The following ZNF571 variants were observed in gnomAD, a reference collection of about 807,000 sequenced individuals.
ZNF571 encodes zinc finger protein 571.
A neutral mutation model predicts 7.7 loss-of-function variants in ZNF571; 4 were observed. The observed-to-expected ratio is 0.52, with a 90% CI of 0.25 to 1.18. The LOEUF is 1.18. ZNF571 is among the 50% of genes most tolerant of loss of function. The pLI is 0.14. For missense variants in ZNF571, 704 were observed against 726.9 expected, an observed-to-expected ratio of 0.97 and a Z score of 0.36; for synonymous variants, 251 against 232.4, an observed-to-expected ratio of 1.08 and a Z score of -0.73.
At chr19:37,583,301 C>T in intron 3 of ZNF571, among the ~76,000 whole-genome samples, 1 of 152,244 alleles carries the variant, frequency 6.6e-6, no homozygotes, top group South Asian at 2.1e-4. Flanking sequence ...AAAGAGCAAC[C>T]AGGAAAAACG....
intron 1 of ZNF571, among the ~76,000 whole-genome samples, chr19:37,588,150 A>T (rs1221010239): frequency 6.6e-6 from 1 of 150,700 alleles, no homozygotes; most frequent in Non-Finnish European, 1.5e-5. Flanking sequence ...AAAATAATAT[A>T]TATAAAATGA....
chr19:37,584,937 C>A (rs939852643), intron 2 of ZNF571: 3 of 145,578 alleles, frequency 2.1e-5, no homozygotes, highest in Non-Finnish European at 3.0e-5. Context: ...GCACTCCCGC[C>A]TGGGCCACAG....
rs778438755 is a variant in ZNF571, at chr19:37,566,162, T to C, written c.266A>G (p.Asn89Ser). The C allele has an allele frequency of 1.9e-6, 3 of 1,614,044 alleles. No individual in the cohort carries two copies. In the South Asian group the frequency reaches 3.3e-5, roughly 18 times the overall value. Residue 89 changes from asparagine to serine, a missense_variant, in exon 4 of 4, where the codon AAT becomes AGT. Physicochemically the swap from Asn to Ser is conservative, Grantham distance 46. Coordinates refer to ENST00000451802, the MANE Select transcript of ZNF571 (RefSeq NM_016536.5). ...CTCTAAGTTGCCTTTGCACTCCATA[T>C]TGTCTCCAAGACCATTGTATTGAAG... ...HHLQYNGLGD[N>S]MECKGNLEGQ...
chr19:37,590,086 T>C (rs2043821382), intron 1 of ZNF571, among the ~76,000 whole-genome samples: 1 of 135,028 alleles, frequency 7.4e-6, no homozygotes, highest in Non-Finnish European at 1.6e-5. Context: ...TGATTTTGGA[T>C]TGGACGCCAG....
intron 3 of ZNF571, among the ~76,000 whole-genome samples, chr19:37,579,718 A>T (rs953449688): frequency 2.0e-5 from 3 of 152,226 alleles, no homozygotes; most frequent in Admixed American, 2.0e-4. Flanking sequence ...GCCACCAGCC[A>T]TATCTAATAC....
chr19:37,580,974 A>G (rs976913720), intron 3 of ZNF571, among the ~76,000 whole-genome samples: 3 of 152,228 alleles, frequency 2.0e-5, no homozygotes, highest in Non-Finnish European at 4.4e-5. Context: ...TTGAAAAGTG[A>G]CCAGCATCTA....
In ZNF571 at chr19:37,583,991, T is replaced by C. The variant is rs1600521363; in HGVS notation, c.116A>G (p.Tyr39Cys). The C allele has an allele frequency of 1.2e-6, 2 of 1,612,330 alleles. No individual in the cohort carries two copies. The highest frequency in any genetic ancestry group is 1.7e-6 in the Non-Finnish European group (2 of 1,179,034). Residue 39 changes from tyrosine (Y) to cysteine (C), a missense_variant, in exon 3 of 4, where the codon TAC becomes TGC. Tyr to Cys is a radical substitution (Grantham distance 194). Coordinates refer to ENST00000451802, the MANE Select transcript of ZNF571 (RefSeq NM_016536.5). ...DLYRDVMLEN[Y>C]SNLISLDLES... ...CTTACCCAATGAGATCAGGTTGCTG[T>C]AGTTCTCCAACATCACATCCCTGTA...
chr19:37,592,635 A>C (rs1291149830), intron 1 of ZNF571, among the ~76,000 whole-genome samples: 1 of 152,276 alleles, frequency 6.6e-6, no homozygotes, highest in African/African-American at 2.4e-5. Flanking sequence ...TGAAAGTGGG[A>C]CATCAGACTG....
intron 3 of ZNF571, among the ~76,000 whole-genome samples, chr19:37,574,786 A>C (rs1461208736): frequency 6.6e-6 from 1 of 152,162 alleles, no homozygotes; most frequent in Non-Finnish European, 1.5e-5. Flanking sequence ...CTCCTTCCTT[A>C]TCTCACTTTT....
In ZNF571 at chr19:37,564,598, T is replaced by C; in HGVS notation, c.1830A>G (p.Ter610TrpextTer7). ...QLTQHTRLHN* is the reference protein window; with the variant it reads ...QLTQHTRLHNW ...AAATTTAATCACATTCAAGGCTTTC[T>C]CAATTATGAAGCCTTGTATGTTGAG... The change falls in exon 4 of 4, where the codon TGA (stop) becomes TGG (tryptophan). Residue 610 changes from the stop codon to tryptophan, a stop_lost. Coordinates refer to ENST00000451802, the MANE Select transcript of ZNF571 (RefSeq NM_016536.5). 1 of 1,496,740 alleles carries C rather than the reference T, an allele frequency of 6.7e-7. No individual in the cohort carries two copies. Among genetic ancestry groups the C allele is most frequent in the Non-Finnish European group, 8.9e-7 (1 of 1,122,734 alleles). 92.7% of individuals were successfully genotyped at this position (1,496,740 alleles called of 1,614,324 possible).
chr19:37,576,967 CTA>C (rs2043262937), intron 3 of ZNF571, among the ~76,000 whole-genome samples: 1 of 152,074 alleles, frequency 6.6e-6, no homozygotes, highest in Non-Finnish European at 1.5e-5. Flanking sequence ...CTAATTCAGC[CTA>C]TACACCGCCA....
chr19:37,588,606 T>G (rs2043764317), intron 1 of ZNF571, among the ~76,000 whole-genome samples: 1 of 152,202 alleles, frequency 6.6e-6, no homozygotes, highest in Admixed American at 6.5e-5. Context: ...ACCTATCAGG[T>G]ATCCTGCTCA....
At position 37,565,323 on chromosome 19, in the gene ZNF571, C is replaced by T. The variant is rs748619610; in HGVS notation, c.1105G>A (p.Gly369Arg). 22 of 1,612,156 alleles carry T rather than the reference C, an allele frequency of 1.4e-5. No individual in the cohort carries two copies. The highest frequency in any genetic ancestry group is 6.6e-5 in the South Asian group (6 of 90,768). The change falls in exon 4 of 4, where the codon GGG becomes AGG. Residue 369 changes from glycine to arginine, a missense_variant. By Grantham distance (125) the Gly-to-Arg change is moderately radical. Transcript: ENST00000451802. ...TGTGAGCCACGAAAAAAGGTCTTCC[C>T]GCATTCTTTACATTCATAGGGTTTC... Reference protein sequence around the residue: ...GEKPYECKECGKTFFRGSQLT... With the variant: ...GEKPYECKECRKTFFRGSQLT...
chr19:37,585,655 G>C (rs1018025589), intron 2 of ZNF571: 1 of 152,202 alleles, frequency 6.6e-6, no homozygotes, highest in Admixed American at 6.5e-5. Flanking sequence ...TTCCTGAATA[G>C]AGCTAACCAT....
At position 37,564,854 on chromosome 19, in the gene ZNF571, CTG is replaced by C. The variant is rs759003615; in HGVS notation, c.1572_1573del (p.His524GlnfsTer3). 1.1e-5 allele frequency: 17 copies of C among 1,613,902 alleles called. No homozygotes were observed. The East Asian group carries it at 1.1e-4, about 11-fold the overall frequency. ...TTTACATTCATAAGGTTTTTCACCT[CTG>C]TGAATTCTCTGATGTTCACTAAGTT... is the stretch of plus-strand genomic sequence containing the variant. On this transcript the variant is annotated frameshift_variant, in exon 4 of 4. Transcript: ENST00000451802. LOFTEE classifies it low-confidence loss of function (END_TRUNC).
intron 3 of ZNF571, among the ~76,000 whole-genome samples, chr19:37,577,792 G>A (rs2043294660): frequency 6.6e-6 from 1 of 152,218 alleles, no homozygotes; most frequent in Non-Finnish European, 1.5e-5. Flanking sequence ...CTGACTAGAA[G>A]CAGCTAGTGT....
At chr19:37,587,983 C>T (rs2043735006) in intron 1 of ZNF571, among the ~76,000 whole-genome samples, 1 of 151,440 alleles carries the variant, frequency 6.6e-6, no homozygotes, top group Non-Finnish European at 1.5e-5. Flanking sequence ...GCCTGTAGTC[C>T]CAGCTACTTG....
intron 1 of ZNF571, among the ~76,000 whole-genome samples, chr19:37,588,435 T>G (rs2043757804): frequency 6.6e-6 from 1 of 152,220 alleles, no homozygotes; most frequent in Non-Finnish European, 1.5e-5. Context: ...GAGGCCATTA[T>G]CCTAAATGAA....
chr19:37,592,455 G>A (rs1210521090), intron 1 of ZNF571, among the ~76,000 whole-genome samples: 2 of 152,104 alleles, frequency 1.3e-5, no homozygotes, highest in Non-Finnish European at 2.9e-5. Flanking sequence ...CCCTTTGGAG[G>A]ACCACAGATC....
Sources: gnomAD v4.1 joint callset for allele counts (sites outside exome capture counted in the v4.1 genomes callset) on GRCh38, gnomAD v4.1.1 for gene constraint, MANE v1.5 for transcripts, NCBI Gene and HGNC (gene_info 2026-07-23, HGNC 2026-07-21) for gene names.